Variants in INTS8 observed in about 807,000 individuals in gnomAD.
INTS8 encodes protein kaonashi-1.
In INTS8, 47 loss-of-function variants were observed where a neutral mutation model predicts 138.9. The observed-to-expected ratio is 0.34, with a 90% CI of 0.27 to 0.43. The LOEUF is 0.43. INTS8 is among the 20% of genes least tolerant of loss of function. INTS8 has a pLI of 1.00. For synonymous variants in INTS8, 392 were observed against 400.9 expected, an observed-to-expected ratio of 0.98 and a Z score of 0.27; for missense variants, 996 against 1,173.0, an observed-to-expected ratio of 0.85 and a Z score of 2.20.
intron 21 of INTS8, among the ~76,000 whole-genome samples, chr8:94,872,263 T>C (rs965561720): frequency 2.6e-5 from 4 of 152,130 alleles, no homozygotes; most frequent in Non-Finnish European, 2.9e-5. Context: ...TGATGGAGTC[T>C]TGTTCTGTTG....
In INTS8 at chr8:94,841,563, A is replaced by C. The variant is rs111400309; in HGVS notation, c.1090A>C (p.Arg364=). 7 of 1,601,888 alleles carry C rather than the reference A, an allele frequency of 4.4e-6. No individual in the cohort carries two copies. In the Admixed American group the frequency reaches 1.2e-4, roughly 28 times the overall value. Residue 364 remains arginine (R), a synonymous_variant, in exon 9 of 27, where the codon AGA becomes CGA. Transcript: ENST00000523731. The part of the protein sequence containing the change: ...LPVQFRQSVL[R]ELFKKAQQGN... ...TGTCCAGTTCCGACAGTCAGTCCTA[A>C]GAGAACTCTTTAAGAAAGCTCAACA...
intron 11 of INTS8, 40 bp downstream of exon 11, chr8:94,849,572 T>A: frequency 1.7e-6 from 2 of 1,206,668 alleles, no homozygotes; most frequent in Non-Finnish European, 2.4e-6. Context: ...TTTTTTTAAC[T>A]TTGAACTTAG....
At position 94,874,610 on chromosome 8, in the gene INTS8, TATA is replaced by T. The variant is rs1554615355; in HGVS notation, c.2688+12_2688+14del. The T allele has an allele frequency of 6.0e-6, 9 of 1,507,352 alleles. No homozygotes were observed. Among genetic ancestry groups the T allele is most frequent in the Non-Finnish European group, 7.4e-6 (8 of 1,084,572 alleles). The allele number at this position is 1,507,352 out of a possible 1,614,324, so 93.4% of individuals were successfully genotyped here. ...CTGAATTGCCACACACAGGTTAGTTTATAATATTATGAAGTTGTTTTATTTTTA... is the reference window on the plus strand; with the variant it reads ...CTGAATTGCCACACACAGGTTAGTTTATATTATGAAGTTGTTTTATTTTTA... On this transcript the variant is annotated intron_variant, in intron 23 of 26. Transcript: ENST00000523731.
intron 5 of INTS8, among the ~76,000 whole-genome samples, 167 bp from the exon 6 acceptor site, chr8:94,831,825 C>A (rs1272972873): frequency 6.6e-6 from 1 of 152,072 alleles, no homozygotes; most frequent in Non-Finnish European, 1.5e-5. Context: ...AACTTATTTC[C>A]CTTCATTTAA....
chr8:94,876,366 A>G (rs1816564080), intron 25 of INTS8, 80 bp from the exon 26 acceptor site: 1 of 1,439,130 alleles, frequency 6.9e-7, no homozygotes, highest in African/African-American at 1.4e-5. Context: ...TATATTTTCC[A>G]AATCAAAACT....
chr8:94,856,493 G>A (rs1234372330), intron 14 of INTS8, among the ~76,000 whole-genome samples: 2 of 152,094 alleles, frequency 1.3e-5, no homozygotes, highest in Non-Finnish European at 1.5e-5. Context: ...TTACACCTGT[G>A]TAATACAGAA....
intron 16 of INTS8, among the ~76,000 whole-genome samples, chr8:94,862,053 G>A (rs568706188): frequency 9.9e-4 from 150 of 151,548 alleles, no homozygotes; most frequent in African/African-American, 3.5e-3. Flanking sequence ...CCATTCTTGT[G>A]CCTCAGCCTC....
chr8:94,826,945 A>C (rs1208189196), intron 2 of INTS8, among the ~76,000 whole-genome samples: 1 of 151,980 alleles, frequency 6.6e-6, no homozygotes, highest in East Asian at 1.9e-4. Context: ...CTCTACTAAA[A>C]ACACAAAAAA....
intron 12 of INTS8, 94 bp downstream of exon 12, chr8:94,850,185 T>C (rs1815478921): frequency 1.2e-6 from 1 of 811,576 alleles, no homozygotes; most frequent in African/African-American, 1.7e-5. Flanking sequence ...TCTCTTGTTT[T>C]AATTAACACT....
chr8:94,827,717 T>C lies in INTS8; in HGVS notation c.447-5T>C, dbSNP rs772324188. ...GAAATTTTCTTTTTCCTGTCTTTTC[T>C]TCAGGGCAATTAGGACAATTGTTCA... On this transcript the variant is annotated splice_polypyrimidine_tract_variant and splice_region_variant and intron_variant, in intron 3 of 26. Transcript: ENST00000523731. 6.4e-5 allele frequency: 104 copies of C among 1,613,192 alleles called. 1 individual carries two copies. In the South Asian group the frequency reaches 1.1e-3, roughly 17 times the overall value.
Position 94,867,057 on chromosome 8 carries a change from C to T in INTS8, c.2296-83C>T, listed in dbSNP as rs190768114. On this transcript the variant is annotated intron_variant, in intron 18 of 26. Coordinates refer to ENST00000523731, the MANE Select transcript of INTS8 (RefSeq NM_017864.4). ...CAAAAGGCAAGGGTCTTTTAGAATG[C>T]TTGATGTCTGTGAGGTTGACAGGAG... 14 of 1,034,000 alleles carry T rather than the reference C, an allele frequency of 1.4e-5. No individual in the cohort carries two copies. The African/African-American group carries it at 1.9e-4, about 14-fold the overall frequency. 64.1% of individuals were successfully genotyped at this position (1,034,000 alleles called of 1,614,324 possible). A position where few individuals can be genotyped will look rare whatever the true frequency, so the allele number is the denominator to read the frequency against.
intron 15 of INTS8, among the ~76,000 whole-genome samples, chr8:94,857,436 C>G (rs1355213223): frequency 6.6e-6 from 1 of 152,136 alleles, no homozygotes; most frequent in Non-Finnish European, 1.5e-5. Flanking sequence ...TTGGTGTTCA[C>G]TGGAGAACAT....
chr8:94,872,368 G>T (rs148557608), intron 21 of INTS8, among the ~76,000 whole-genome samples: 1 of 152,002 alleles, frequency 6.6e-6, no homozygotes, highest in Non-Finnish European at 1.5e-5. Context: ...CAAGTAGCTG[G>T]GATTATAGGC....
At chr8:94,826,756 A>G (rs1814520621) in intron 2 of INTS8, among the ~76,000 whole-genome samples, 1 of 152,174 alleles carries the variant, frequency 6.6e-6, no homozygotes, top group Non-Finnish European at 1.5e-5. Flanking sequence ...GGGGTTCATT[A>G]TATCCTGTCT....
chr8:94,881,586 C>G lies in INTS8; in HGVS notation c.*1352C>G. 6.2e-7 allele frequency: 1 copy of G among 1,601,576 alleles called. No individual in the cohort carries two copies. The highest frequency in any genetic ancestry group is 8.5e-7 in the Non-Finnish European group (1 of 1,172,936). On this transcript the variant is annotated 3_prime_UTR_variant, in exon 27 of 27. Coordinates refer to ENST00000523731, the MANE Select transcript of INTS8 (RefSeq NM_017864.4). Reference sequence around the variant, plus strand: ...CTTTAGTAGTTCAGTGATACCAGTTCTACCCAATCTTGGTGAATTCCAACT... The same window carrying G: ...CTTTAGTAGTTCAGTGATACCAGTTGTACCCAATCTTGGTGAATTCCAACT...
chr8:94,880,405 C>T lies in INTS8; in HGVS notation c.*171C>T, dbSNP rs897618205. 1.7e-5 allele frequency: 7 copies of T among 407,438 alleles called. No individual in the cohort carries two copies. Among genetic ancestry groups the T allele is most frequent in the Non-Finnish European group, 2.6e-5 (6 of 228,496 alleles). 25.2% of individuals were successfully genotyped at this position (407,438 alleles called of 1,614,324 possible). ...ACAAACTATACAGAAGACTTCATAC[C>T]GTAACAATAAATGTATAGTTTCTTC... On this transcript the variant is annotated 3_prime_UTR_variant, in exon 27 of 27. Transcript: ENST00000523731.
chr8:94,856,675 C>T (rs554377745), intron 14 of INTS8, 102 bp from the exon 15 acceptor site: 29 of 912,752 alleles, frequency 3.2e-5, no homozygotes, highest in African/African-American at 2.6e-4. Flanking sequence ...CAACGTTAAC[C>T]ATTTGAAATA....
At chr8:94,867,090 A>G in intron 18 of INTS8, 50 bp from the exon 19 acceptor site, 1 of 1,364,830 alleles carries the variant, frequency 7.3e-7, no homozygotes, top group South Asian at 1.3e-5. Context: ...GAGCAATATT[A>G]AATAAATATA....
intron 13 of INTS8, among the ~76,000 whole-genome samples, chr8:94,853,096 G>C (rs1479023375): frequency 1.3e-5 from 2 of 152,006 alleles, no homozygotes; most frequent in Non-Finnish European, 2.9e-5. Context: ...TGGATCACTT[G>C]AGGCCAGGAG....
Sources: gnomAD v4.1 joint callset for allele counts (sites outside exome capture counted in the v4.1 genomes callset) on GRCh38, gnomAD v4.1.1 for gene constraint, MANE v1.5 for transcripts, NCBI Gene and HGNC (gene_info 2026-07-23, HGNC 2026-07-21) for gene names.